Variants in TLE3 observed in about 807,000 individuals in gnomAD.
The protein encoded by TLE3 is TLE family member 3, transcriptional corepressor.
TLE3 carries 14 observed loss-of-function variants against 93.0 expected under a neutral mutation model. The ratio of observed to expected loss-of-function variants is 0.15; its 90% CI spans 0.10 to 0.24. The LOEUF is 0.24. Ranked by LOEUF, TLE3 falls within the 10% of genes least tolerant of loss-of-function variation. The pLI is 1.00. For synonymous variants in TLE3, 451 were observed against 425.0 expected, an observed-to-expected ratio of 1.06 and a Z score of -0.75; for missense variants, 693 against 1,046.6, an observed-to-expected ratio of 0.66 and a Z score of 4.66.
In TLE3 at chr15:70,097,731, C is replaced by T. The variant is rs1370481470; in HGVS notation, c.-933G>A. 1.5e-5 allele frequency: 6 copies of T among 395,734 alleles called. No individual in the cohort carries two copies. The highest frequency in any genetic ancestry group is 2.2e-5 in the Non-Finnish European group (5 of 224,668). 24.5% of individuals were successfully genotyped at this position (395,734 alleles called of 1,614,324 possible). A position where few individuals can be genotyped will look rare whatever the true frequency, so the allele number is the denominator to read the frequency against. On this transcript the variant is annotated 5_prime_UTR_variant, in exon 1 of 20. Coordinates refer to ENST00000451782, the MANE Select transcript of TLE3 (RefSeq NM_001105192.3). The stretch of plus-strand genomic sequence containing the variant: ...TACGGCTTCCTTCCTTCCCCTCGGC[C>T]CGGCTCTCCTCTCCGCGCCCCGGCA...
chr15:70,054,731 T>A lies in TLE3; in HGVS notation c.1579-46A>T, dbSNP rs369955604. ...GCTGAGTGCTGCCTACTTCCCCTCCTGGGCACCAGGAGAGTCCTGTCCAGC... is the reference window on the plus strand; with the variant it reads ...GCTGAGTGCTGCCTACTTCCCCTCCAGGGCACCAGGAGAGTCCTGTCCAGC... On this transcript the variant is annotated intron_variant, in intron 15 of 19. Coordinates refer to ENST00000451782, the MANE Select transcript of TLE3 (RefSeq NM_001105192.3). 2.3e-5 allele frequency: 35 copies of A among 1,514,650 alleles called. No individual in the cohort carries two copies. The African/African-American group carries it at 4.4e-4, about 19-fold the overall frequency. 93.8% of individuals were successfully genotyped at this position (1,514,650 alleles called of 1,614,324 possible). A position where few individuals can be genotyped will look rare whatever the true frequency, so the allele number is the denominator to read the frequency against.
At chr15:70,085,051 C>G (rs1370666722) in intron 4 of TLE3, among the ~76,000 whole-genome samples, 4 of 152,218 alleles carry the variant, frequency 2.6e-5, no homozygotes, top group Non-Finnish European at 5.9e-5. Flanking sequence ...AGCCATATTT[C>G]AAGTGCTTAA....
At position 70,097,738 on chromosome 15, in the gene TLE3, T is replaced by C. The variant is rs563900969; in HGVS notation, c.-940A>G. 14 of 394,190 alleles carry C rather than the reference T, an allele frequency of 3.6e-5. No homozygotes were observed. The highest frequency in any genetic ancestry group is 2.1e-4 in the African/African-American group (10 of 48,210). The allele number at this position is 394,190 out of a possible 1,614,324, so 24.4% of individuals were successfully genotyped here. A position where few individuals can be genotyped will look rare whatever the true frequency, so the allele number is the denominator to read the frequency against. The stretch of plus-strand genomic sequence containing the variant: ...TCCTTCCTTCCCCTCGGCCCGGCTC[T>C]CCTCTCCGCGCCCCGGCAAACCCCC... On this transcript the variant is annotated 5_prime_UTR_variant, in exon 1 of 20. Transcript: ENST00000451782.
chr15:70,060,440 A>C, intron 9 of TLE3, 90 bp downstream of exon 9: 1 of 1,554,872 alleles, frequency 6.4e-7, no homozygotes, highest in Non-Finnish European at 8.7e-7. Context: ...TGCCAACCAC[A>C]AGAAGACCCT....
intron 16 of TLE3, chr15:70,054,208 CCA>C (rs2055819099): frequency 1.9e-6 from 1 of 520,052 alleles, no homozygotes; most frequent in Non-Finnish European, 3.3e-6. Flanking sequence ...TGCTCCAGCT[CCA>C]CTTTCTTCCC....
chr15:70,054,370 C>T (rs1275342825), intron 16 of TLE3, 68 bp downstream of exon 16: 2 of 1,558,968 alleles, frequency 1.3e-6, no homozygotes. Flanking sequence ...TCACAGCAAA[C>T]AAGACCAGGC....
chr15:70,067,776 G>A (rs1432202938), intron 6 of TLE3, among the ~76,000 whole-genome samples: 3 of 152,188 alleles, frequency 2.0e-5, no homozygotes, highest in African/African-American at 4.8e-5. Flanking sequence ...CAAAGTTAAC[G>A]GCAGCCACAG....
At chr15:70,050,245 G>T (rs180767744) in intron 19 of TLE3, 41 bp from the exon 20 acceptor site, 4 of 1,485,608 alleles carry the variant, frequency 2.7e-6, no homozygotes, top group Non-Finnish European at 2.8e-6. Flanking sequence ...GAAGGCGTGG[G>T]GTGCAGGGAG....
intron 4 of TLE3, among the ~76,000 whole-genome samples, chr15:70,078,465 A>T (rs1460942704): frequency 6.6e-6 from 1 of 152,160 alleles, no homozygotes; most frequent in Non-Finnish European, 1.5e-5. Flanking sequence ...TGTTATCTTA[A>T]ACAACAATAG....
At chr15:70,081,539 TG>T (rs2057779300) in intron 4 of TLE3, among the ~76,000 whole-genome samples, 1 of 152,234 alleles carries the variant, frequency 6.6e-6, no homozygotes, top group African/African-American at 2.4e-5. Context: ...AAGCCCCTAC[TG>T]TGCAGTTTCT....
intron 6 of TLE3, chr15:70,066,841 G>T (rs1169564286): frequency 7.3e-6 from 2 of 274,196 alleles, no homozygotes; most frequent in Non-Finnish European, 1.6e-5. Context: ...GGAGGCTTTG[G>T]AACTAGACAG....
intron 4 of TLE3, among the ~76,000 whole-genome samples, chr15:70,083,460 C>A (rs549018974): frequency 6.6e-6 from 1 of 152,104 alleles, no homozygotes; most frequent in African/African-American, 2.4e-5. Context: ...ACAGGGAGTG[C>A]TTTTTCAGAT....
At chr15:70,095,439 A>C in intron 3 of TLE3, 139 bp downstream of exon 3, 2 of 1,533,082 alleles carry the variant, frequency 1.3e-6, no homozygotes, top group Middle Eastern at 1.7e-4. Flanking sequence ...GGAGGGCAAG[A>C]CCAGATTATG....
In TLE3 at chr15:70,048,957, G is replaced by A. The variant is rs2055290660; in HGVS notation, c.*1140C>T. On this transcript the variant is annotated 3_prime_UTR_variant, in exon 20 of 20. Coordinates refer to ENST00000451782, the MANE Select transcript of TLE3 (RefSeq NM_001105192.3). ...AGACTGTAGGCGGGAAGGGGGAGAA[G>A]GCATTTTATAAAAGGACATCACTTC... is the stretch of plus-strand genomic sequence containing the variant. 1 of 151,362 alleles carries A rather than the reference G, an allele frequency of 6.6e-6. No homozygotes were observed. Among genetic ancestry groups the A allele is most frequent in the African/African-American group, 2.4e-5 (1 of 41,114 alleles). 9.4% of individuals were successfully genotyped at this position (151,362 alleles called of 1,614,324 possible). A position where few individuals can be genotyped will look rare whatever the true frequency, so the allele number is the denominator to read the frequency against.
At chr15:70,056,892 G>A (rs2056081717) in intron 13 of TLE3, among the ~76,000 whole-genome samples, 1 of 152,132 alleles carries the variant, frequency 6.6e-6, no homozygotes, top group Non-Finnish European at 1.5e-5. Context: ...CTCCCGAATA[G>A]CGCCTGCCAC....
Position 70,097,806 on chromosome 15 carries a change from A to ACC in TLE3, c.-1009_-1008insGG. Reference sequence around the variant, plus strand: ...CACACACACACGCGCGCACGCACACACACACACACCAAAAAAAAAAGTGCC... The same window carrying ACC: ...CACACACACACGCGCGCACGCACACACCCACACACACCAAAAAAAAAAGTGCC... On this transcript the variant is annotated 5_prime_UTR_variant, in exon 1 of 20. Transcript: ENST00000451782. The ACC allele has an allele frequency of 6.9e-6, 2 of 289,712 alleles. No homozygotes were observed. Among genetic ancestry groups the ACC allele is most frequent in the Non-Finnish European group, 1.1e-5 (2 of 179,314 alleles). 17.9% of individuals were successfully genotyped at this position (289,712 alleles called of 1,614,324 possible). A position where few individuals can be genotyped will look rare whatever the true frequency, so the allele number is the denominator to read the frequency against.
rs2058598274 is a variant in TLE3 at position 70,096,981 on chromosome 15, CAA to C, written c.-185_-184del. On this transcript the variant is annotated 5_prime_UTR_variant, in exon 1 of 20. Coordinates refer to ENST00000451782, the MANE Select transcript of TLE3 (RefSeq NM_001105192.3). ...GTCGGGCGCCCGCCCCAAGTGGAGACAAAGAGCCGCGGAGCAGGCGGCAAAGT... is the reference window on the plus strand; with the variant it reads ...GTCGGGCGCCCGCCCCAAGTGGAGACAGAGCCGCGGAGCAGGCGGCAAAGT... The C allele has an allele frequency of 1.4e-6, 1 of 724,866 alleles. No homozygotes were observed. The highest frequency in any genetic ancestry group is 1.5e-5 in the South Asian group (1 of 64,624). 44.9% of individuals were successfully genotyped at this position (724,866 alleles called of 1,614,324 possible).
intron 4 of TLE3, among the ~76,000 whole-genome samples, chr15:70,087,887 CG>C (rs1385783372): frequency 1.3e-5 from 2 of 152,218 alleles, no homozygotes; most frequent in East Asian, 1.9e-4. Context: ...TAAAATCTGC[CG>C]GGTGGACTAG....
At position 70,077,137 on chromosome 15, in the gene TLE3, C is replaced by T. The variant is rs542138075; in HGVS notation, c.235-979G>A. Among the ~76,000 whole-genome samples, 7 of 152,312 alleles carry T rather than the reference C, an allele frequency of 4.6e-5. No individual in the cohort carries two copies. In the East Asian group the frequency reaches 1.3e-3, roughly 29 times the overall value. On this transcript the variant is annotated intron_variant, in intron 4 of 19. Transcript: ENST00000451782. ...TTAGAAAGGTAGATCAATTCTCTGC[C>T]TCATCTCCCAACACCCTAGAAAAGA...
Sources: gnomAD v4.1 joint callset for allele counts (sites outside exome capture counted in the v4.1 genomes callset) on GRCh38, gnomAD v4.1.1 for gene constraint, MANE v1.5 for transcripts, NCBI Gene and HGNC (gene_info 2026-07-23, HGNC 2026-07-21) for gene names.